Variants in PIWIL4 observed in about 807,000 individuals in gnomAD.
The protein encoded by PIWIL4 is piwi like RNA-mediated gene silencing 4, also known as piwi-like protein 4.
In PIWIL4, 50 loss-of-function variants were observed where a neutral mutation model predicts 100.9. The observed-to-expected ratio is 0.50, with a 90% CI of 0.39 to 0.63. The LOEUF (loss-of-function observed/expected upper bound fraction) is 0.63, where lower values mean the gene tolerates loss of function less well. Among genes scored for constraint, PIWIL4 ranks in the 20% least tolerant of loss-of-function variants. The pLI, the probability that PIWIL4 is intolerant of heterozygous loss-of-function variation, is 0.00. For missense variants in PIWIL4, 887 were observed against 1,043.3 expected (o/e 0.85, Z 2.06); for synonymous variants, 342 against 367.5 (o/e 0.93, Z 0.79).
At chr11:94,583,316 G>C in intron 4 of PIWIL4, 132 bp from the exon 5 acceptor site, 1 of 996,152 alleles carries the variant, frequency 1.0e-6, no homozygotes, top group Non-Finnish European at 1.5e-6. Context: ...GTGATGATTA[G>C]ATTATTACTC....
intron 4 of PIWIL4, among the ~76,000 whole-genome samples, chr11:94,579,017 A>G (rs1250081025): frequency 6.6e-6 from 1 of 152,220 alleles, no homozygotes; most frequent in Admixed American, 6.5e-5. Context: ...GTATTTTTAA[A>G]ATAAGAGCTG....
chr11:94,612,597 CT>C (rs1199690188), intron 15 of PIWIL4, among the ~76,000 whole-genome samples: 2 of 151,958 alleles, frequency 1.3e-5, no homozygotes, highest in African/African-American at 2.4e-5. Flanking sequence ...TGTTTTCTGG[CT>C]TTTTTGTAGA....
Position 94,602,011 on chromosome 11 carries a change from A to T in PIWIL4, c.1565+32A>T. 5 of 1,578,588 alleles carry T rather than the reference A, an allele frequency of 3.2e-6. No individual in the cohort carries two copies. The South Asian group carries it at 5.9e-5, about 18-fold the overall frequency. The stretch of plus-strand genomic sequence containing the variant: ...ATACATTGAATTTTGTTCATATATT[A>T]ATTTGGTTTGGTTAGAAGGTAGGGA... On this transcript the variant is annotated intron_variant, in intron 12 of 19. Coordinates refer to ENST00000299001, the MANE Select transcript of PIWIL4 (RefSeq NM_152431.3).
At chr11:94,617,821 C>A (rs1435390317) in intron 16 of PIWIL4, 133 bp from the exon 17 acceptor site, 9 of 893,830 alleles carry the variant, frequency 1.0e-5, no homozygotes, top group South Asian at 1.6e-5. Flanking sequence ...CAAATATAAC[C>A]CAAATTATGT....
intron 4 of PIWIL4, among the ~76,000 whole-genome samples, chr11:94,579,959 T>C (rs182278681): frequency 5.9e-5 from 9 of 152,334 alleles, no homozygotes; most frequent in East Asian, 5.8e-4. Context: ...CCTTGAAGTG[T>C]CCAGCTTACT....
chr11:94,599,769 C>T (rs991119792), intron 11 of PIWIL4, among the ~76,000 whole-genome samples: 3 of 152,202 alleles, frequency 2.0e-5, no homozygotes, highest in Admixed American at 6.5e-5. Context: ...CTAAACCTGT[C>T]GCTGCTGCCA....
intron 4 of PIWIL4, among the ~76,000 whole-genome samples, chr11:94,583,211 G>T (rs751031820): frequency 2.0e-5 from 3 of 152,038 alleles, no homozygotes; most frequent in Non-Finnish European, 4.4e-5. Flanking sequence ...CATGAGTCTG[G>T]CTTTAATTCT....
At chr11:94,582,492 T>C (rs955766087) in intron 4 of PIWIL4, among the ~76,000 whole-genome samples, 2 of 152,234 alleles carry the variant, frequency 1.3e-5, no homozygotes, top group Non-Finnish European at 2.9e-5. Context: ...ACAACCATAC[T>C]GTAGCTGTAG....
intron 8 of PIWIL4, among the ~76,000 whole-genome samples, chr11:94,592,947 A>C (rs1948506256): frequency 6.6e-6 from 1 of 152,192 alleles, no homozygotes. Context: ...TCACTTCCCC[A>C]GTGTCACAGC....
intron 1 of PIWIL4, 148 bp from the exon 2 acceptor site, chr11:94,568,582 C>G: frequency 5.1e-5 from 29 of 565,840 alleles, no homozygotes; most frequent in East Asian, 8.9e-5. Context: ...AATGGGCACT[C>G]TCTTCTCATC....
In PIWIL4 at chr11:94,577,487, G is replaced by A. The variant is rs143080347; in HGVS notation, c.508G>A (p.Glu170Lys). ...AILFLSQKLE[E>K]KVTELSSETQ... is the part of the protein sequence containing the mutation. The stretch of plus-strand genomic sequence containing the variant: ...CCTTTTTCTGTCACAAAAGCTAGAA[G>A]AAAAGGTATAGTATGATTAGTTTTT... The change falls in exon 4 of 20, where the codon GAA becomes AAA. Residue 170 changes from glutamate (E) to lysine (K), a missense_variant. Glu to Lys is a moderately conservative substitution (Grantham distance 56, BLOSUM62 1). Coordinates refer to ENST00000299001, the MANE Select transcript of PIWIL4 (RefSeq NM_152431.3). The A allele has an allele frequency of 1.1e-4, 176 of 1,612,252 alleles. No homozygotes were observed. Among genetic ancestry groups the A allele is most frequent in the Non-Finnish European group, 1.4e-4 (169 of 1,179,000 alleles).
chr11:94,618,098 C>G lies in PIWIL4; in HGVS notation c.2159C>G (p.Ser720Ter). ...CTGAGCAGTGTGGCAGAATCCAGCTCAAATACCAGGTATTCAATTATTGTT... is the reference window on the plus strand; with the variant it reads ...CTGAGCAGTGTGGCAGAATCCAGCTGAAATACCAGGTATTCAATTATTGTT... Reference protein sequence around the residue: ...QLLSSVAESSSNTSSRLSVIV... With the variant: ...QLLSSVAESS Residue 720 changes from serine (S) to a stop codon, truncating the protein, a stop_gained, in exon 17 of 20, where the codon TCA becomes TGA. Transcript: ENST00000299001. LOFTEE classifies it high-confidence loss of function. 1 of 1,569,022 alleles carries G rather than the reference C, an allele frequency of 6.4e-7. No homozygotes were observed. The highest frequency in any genetic ancestry group is 8.7e-7 in the Non-Finnish European group (1 of 1,154,188).
At chr11:94,620,772 C>A in intron 19 of PIWIL4, 104 bp from the exon 20 acceptor site, 2 of 781,338 alleles carry the variant, frequency 2.6e-6, no homozygotes, top group Non-Finnish European at 4.1e-6. Context: ...ACCCAGAAGC[C>A]CATTCTATTA....
intron 13 of PIWIL4, among the ~76,000 whole-genome samples, chr11:94,606,214 C>G (rs577511404): frequency 8.6e-4 from 131 of 152,332 alleles, no homozygotes; most frequent in African/African-American, 3.0e-3. Context: ...CATCTTCTCT[C>G]AGCCCATTGG....
At chr11:94,600,660 C>A (rs1948624124) in intron 11 of PIWIL4, among the ~76,000 whole-genome samples, 1 of 151,988 alleles carries the variant, frequency 6.6e-6, no homozygotes, top group African/African-American at 2.4e-5. Flanking sequence ...ACCGGTCTGA[C>A]CAAAATTTAT....
chr11:94,569,120 C>A (rs1449039323), intron 2 of PIWIL4, among the ~76,000 whole-genome samples: 1 of 152,210 alleles, frequency 6.6e-6, no homozygotes, highest in Non-Finnish European at 1.5e-5. Context: ...TTTGATCCAG[C>A]AACCCCACTG....
At chr11:94,583,618 G>T (rs1468941648) in intron 5 of PIWIL4, 49 bp downstream of exon 5, 1 of 1,606,998 alleles carries the variant, frequency 6.2e-7, no homozygotes, top group Non-Finnish European at 8.5e-7. Flanking sequence ...ATACCTTTCA[G>T]CATAGAGCCT....
chr11:94,617,860 A>AGG, intron 16 of PIWIL4, 94 bp from the exon 17 acceptor site: 4 of 1,383,118 alleles, frequency 2.9e-6, no homozygotes, highest in Non-Finnish European at 3.1e-6. Flanking sequence ...GGTCTGAAAT[A>AGG]GCAAACCCAT....
intron 13 of PIWIL4, 21 bp from the exon 14 acceptor site, chr11:94,607,418 T>C: frequency 6.3e-7 from 1 of 1,598,876 alleles, no homozygotes; most frequent in Non-Finnish European, 8.6e-7. Flanking sequence ...TTCCAAAATC[T>C]TTTGCTGTTT....
Sources: allele counts gnomAD v4.1 joint callset (sites outside exome capture counted in the v4.1 genomes callset), GRCh38; gene constraint gnomAD v4.1.1; transcripts MANE v1.5; gene names NCBI Gene and HGNC (gene_info 2026-07-23, HGNC 2026-07-21).